LRRFIP2: variants seen among roughly 807,000 people sequenced by gnomAD.
LRRFIP2 encodes leucine-rich repeat flightless-interacting protein 2.
LRRFIP2 carries 109 observed loss-of-function variants against 125.9 expected under a neutral mutation model. The observed-to-expected ratio is 0.87, with a 90% CI of 0.74 to 1.01. LRRFIP2 has a LOEUF of 1.01. Ranked by LOEUF, LRRFIP2 falls within the 50% of genes least tolerant of loss-of-function variation. The pLI is 0.00. For synonymous variants in LRRFIP2, 291 were observed against 293.1 expected (o/e 0.99, Z 0.07); for missense variants, 850 against 862.3 (o/e 0.99, Z 0.18).
At chr3:37,065,652 C>G (rs754420304) in intron 23 of LRRFIP2, 158 bp downstream of exon 23, 47 of 882,188 alleles carry the variant, frequency 5.3e-5, no homozygotes, top group Non-Finnish European at 8.1e-5. Flanking sequence ...TCAAGGATGT[C>G]TGAAGACAAT....
rs376251173 is a variant in LRRFIP2, at chr3:37,109,688, A to T, written c.529T>A (p.Tyr177Asn). 84 of 1,613,962 alleles carry T rather than the reference A, an allele frequency of 5.2e-5. No homozygotes were observed. Among genetic ancestry groups the T allele is most frequent in the Non-Finnish European group, 7.0e-5 (83 of 1,179,944 alleles). ...AYYTRQSSSL[Y>N]SDPLATYKSD... ...TTATATGTTGCCAGAGGGTCACTGT[A>T]CAGGGAAGAAGACTGCTAAGAGACA... The change falls in exon 10 of 28, where the codon TAC (tyrosine) becomes AAC (asparagine). Residue 177 changes from tyrosine (Y) to asparagine (N), a missense_variant. Tyr to Asn is a moderately radical substitution (Grantham distance 143). Transcript: ENST00000336686.
At chr3:37,089,890 T>A (rs1321222978) in intron 18 of LRRFIP2, among the ~76,000 whole-genome samples, 2 of 152,232 alleles carry the variant, frequency 1.3e-5, no homozygotes, top group Non-Finnish European at 2.9e-5. Context: ...GGAGTAAGAT[T>A]AAATGAGAAC....
At chr3:37,086,243 A>G (rs2093039754) in intron 18 of LRRFIP2, among the ~76,000 whole-genome samples, 1 of 152,224 alleles carries the variant, frequency 6.6e-6, no homozygotes, top group African/African-American at 2.4e-5. Flanking sequence ...AAGGATGTGG[A>G]GAAACTACAT....
At chr3:37,109,907 A>C (rs1218292724) in intron 9 of LRRFIP2, among the ~76,000 whole-genome samples, 1 of 152,244 alleles carries the variant, frequency 6.6e-6, no homozygotes, top group Non-Finnish European at 1.5e-5. Context: ...ATTGTAAGGG[A>C]TAAGAAACAG....
At position 37,166,079 on chromosome 3, in the gene LRRFIP2, T is replaced by C. The variant is rs1578008688; in HGVS notation, c.-56+8460A>G. 6.6e-5 allele frequency among the ~76,000 whole-genome samples: 10 copies of C among 152,288 alleles called. No homozygotes were observed. In the South Asian group the frequency reaches 2.1e-3, roughly 32 times the overall value. ...TGGGCAGGGCGCGGTGGCTCACATCTGGAATCCCAGCACTTTGGAAGGCAG... is the reference window on the plus strand; with the variant it reads ...TGGGCAGGGCGCGGTGGCTCACATCCGGAATCCCAGCACTTTGGAAGGCAG... On this transcript the variant is annotated intron_variant, in intron 1 of 27. Coordinates refer to ENST00000336686, the MANE Select transcript of LRRFIP2 (RefSeq NM_006309.4).
chr3:37,153,237 A>G (rs2096081238), intron 1 of LRRFIP2, among the ~76,000 whole-genome samples: 1 of 152,044 alleles, frequency 6.6e-6, no homozygotes, highest in Non-Finnish European at 1.5e-5. Context: ...AAAATTTTAA[A>G]AAAATTAGCC....
chr3:37,091,534 A>C lies in LRRFIP2; in HGVS notation c.1040T>G (p.Ile347Ser). The change falls in exon 18 of 28, where the codon ATC becomes AGC. Residue 347 changes from isoleucine (I) to serine (S), a missense_variant. Transcript: ENST00000336686. ...CTGTATCTGGTCCTTAAGGTCATAG[A>C]TATCCTGCAGGACATAGGAATGAAC... ...PDTSLSELRD[I>S]YDLKDQIQDV... is the part of the protein sequence containing the mutation. 6.2e-7 allele frequency: 1 copy of C among 1,608,338 alleles called. No homozygotes were observed.
intron 12 of LRRFIP2, among the ~76,000 whole-genome samples, chr3:37,108,340 G>C (rs147105210): frequency 2.0e-5 from 3 of 152,308 alleles, no homozygotes; most frequent in Non-Finnish European, 4.4e-5. Flanking sequence ...GCCCTGAGAA[G>C]TGCTGCTCAG....
At chr3:37,079,587 AAAAAG>A (rs1238802565) in intron 19 of LRRFIP2, among the ~76,000 whole-genome samples, 1 of 152,214 alleles carries the variant, frequency 6.6e-6, no homozygotes, top group East Asian at 1.9e-4. Context: ...AATAAAAAAG[AAAAAG>A]AAAACTTACG....
In LRRFIP2 at chr3:37,053,699, A is replaced by C. The variant is rs1444158550; in HGVS notation, c.*152T>G. ...TGTTCATTCATGTAGATTCAAAATG[A>C]CTTCATTCTGTCATAAATTATAAAA... On this transcript the variant is annotated 3_prime_UTR_variant, in exon 28 of 28. Coordinates refer to ENST00000336686, the MANE Select transcript of LRRFIP2 (RefSeq NM_006309.4). The C allele has an allele frequency of 1.6e-6, 1 of 607,452 alleles. No individual in the cohort carries two copies. Among genetic ancestry groups the C allele is most frequent in the Non-Finnish European group, 3.0e-6 (1 of 334,758 alleles). The allele number at this position is 607,452 out of a possible 1,614,324, so 37.6% of individuals were successfully genotyped here.
intron 17 of LRRFIP2, among the ~76,000 whole-genome samples, chr3:37,092,663 T>C (rs2093510140): frequency 6.6e-6 from 1 of 152,190 alleles, no homozygotes; most frequent in African/African-American, 2.4e-5. Flanking sequence ...CACCCTGGCA[T>C]TTATGTCTGG....
intron 2 of LRRFIP2, among the ~76,000 whole-genome samples, chr3:37,137,986 A>T (rs574453703): frequency 7.2e-5 from 11 of 152,256 alleles, no homozygotes; most frequent in Non-Finnish European, 1.5e-4. Context: ...TCTACTTCCA[A>T]ATAGGCTCTT....
intron 2 of LRRFIP2, among the ~76,000 whole-genome samples, chr3:37,147,722 T>C (rs1203829768): frequency 6.6e-6 from 1 of 152,220 alleles, no homozygotes; most frequent in Non-Finnish European, 1.5e-5. Context: ...ACCAAAAGAA[T>C]ATAATTTAAT....
intron 19 of LRRFIP2, among the ~76,000 whole-genome samples, chr3:37,083,000 A>G (rs910125592): frequency 2.0e-5 from 3 of 152,180 alleles, no homozygotes; most frequent in Non-Finnish European, 4.4e-5. Context: ...TTGAACTGAC[A>G]TCAACCCTTC....
At chr3:37,122,148 A>G (rs1192586078) in intron 4 of LRRFIP2, among the ~76,000 whole-genome samples, 1 of 134,444 alleles carries the variant, frequency 7.4e-6, no homozygotes, top group East Asian at 2.3e-4. Context: ...ATTCCCACCT[A>G]TGAGTGAGAA....
intron 4 of LRRFIP2, among the ~76,000 whole-genome samples, chr3:37,124,083 T>C (rs1323496388): frequency 1.3e-5 from 2 of 152,194 alleles, no homozygotes; most frequent in African/African-American, 2.4e-5. Context: ...TCACAAACTA[T>C]ACCTTAAATA....
chr3:37,103,001 C>A lies in LRRFIP2; in HGVS notation c.796G>T (p.Asp266Tyr), dbSNP rs765676498. 1.1e-5 allele frequency: 17 copies of A among 1,561,518 alleles called. No homozygotes were observed. Among genetic ancestry groups the A allele is most frequent in the Non-Finnish European group, 1.1e-5 (13 of 1,151,194 alleles). ...CTACGATTGGAGCGACTGAAATAAT[C>A]AGCGGCAGATACCTTTCGGTCAGAA... ...GRRESVVSAA[D>Y]YFSRSNRRGS... is the part of the protein sequence containing the mutation. The change falls in exon 15 of 28, where the codon GAT becomes TAT. Residue 266 changes from aspartate to tyrosine, a missense_variant. Coordinates refer to ENST00000336686, the MANE Select transcript of LRRFIP2 (RefSeq NM_006309.4).
intron 1 of LRRFIP2, among the ~76,000 whole-genome samples, chr3:37,172,077 G>T (rs1295387217): frequency 6.6e-6 from 1 of 152,094 alleles, no homozygotes; most frequent in Non-Finnish European, 1.5e-5. Flanking sequence ...ACAAGCCCAA[G>T]AAATAAGTTA....
At position 37,077,833 on chromosome 3, in the gene LRRFIP2, T is replaced by C. The variant is rs143849008; in HGVS notation, c.1279-2717A>G. On this transcript the variant is annotated intron_variant, in intron 19 of 27. Transcript: ENST00000336686. ...TATTATTCAGCTTTAAAAAAGAAAC[T>C]CTTGTCACACGCTACAACATGGATG... Among the ~76,000 whole-genome samples, 83 of 152,264 alleles carry C rather than the reference T, an allele frequency of 5.5e-4. 1 individual carries two copies. In the East Asian group the frequency reaches 0.014, roughly 26 times the overall value.
Sources: allele counts gnomAD v4.1 joint callset (sites outside exome capture counted in the v4.1 genomes callset), GRCh38; gene constraint gnomAD v4.1.1; transcripts MANE v1.5; gene names NCBI Gene and HGNC (gene_info 2026-07-23, HGNC 2026-07-21).